LARGE1: variants seen among roughly 807,000 people sequenced by gnomAD.
The protein encoded by LARGE1 is xylosyl- and glucuronyltransferase LARGE1.
A neutral mutation model predicts 87.6 loss-of-function variants in LARGE1; 43 were observed. That is an observed-to-expected ratio of 0.49 (90% confidence interval 0.38 to 0.63). The LOEUF (loss-of-function observed/expected upper bound fraction) is 0.63, where lower values mean the gene tolerates loss of function less well. Among genes scored for constraint, LARGE1 ranks in the 30% least tolerant of loss-of-function variants. The pLI, the probability that LARGE1 is intolerant of heterozygous loss-of-function variation, is 0.00. For missense variants in LARGE1, 802 were observed against 1,000.2 expected (o/e 0.80, Z 2.67); for synonymous variants, 434 against 394.6 (o/e 1.10, Z -1.18).
intron 6 of LARGE1, among the ~76,000 whole-genome samples, chr22:33,561,804 G>A (rs1428550920): frequency 1.3e-5 from 2 of 152,170 alleles, no homozygotes; most frequent in South Asian, 2.1e-4. Flanking sequence ...AGCTGAAGTC[G>A]AGCTCAGGGA....
chr22:33,175,152 C>T (rs137353), intron 11 of LARGE1, among the ~76,000 whole-genome samples: 94,288 of 151,904 alleles, frequency 0.62, 29,550 homozygotes, highest in Middle Eastern at 0.69. Flanking sequence ...GTCGGCTTCA[C>T]CCCTGGGATG....
chr22:33,901,186 A>C (rs561110732), intron 1 of LARGE1, among the ~76,000 whole-genome samples: 3 of 152,256 alleles, frequency 2.0e-5, no homozygotes, highest in African/African-American at 7.2e-5. Flanking sequence ...ATTGCCAGCA[A>C]TCACCAGAAG....
At chr22:33,546,920 G>C (rs1163960000) in intron 6 of LARGE1, among the ~76,000 whole-genome samples, 1 of 152,222 alleles carries the variant, frequency 6.6e-6, no homozygotes, top group African/African-American at 2.4e-5. Context: ...TACTGATTTA[G>C]AGATTGATGA....
chr22:33,642,034 C>T (rs1254904024), intron 3 of LARGE1, among the ~76,000 whole-genome samples: 1 of 152,084 alleles, frequency 6.6e-6, no homozygotes, highest in Non-Finnish European at 1.5e-5. Flanking sequence ...ACAGAGAACA[C>T]CACAAAGATA....
intron 2 of LARGE1, among the ~76,000 whole-genome samples, chr22:33,682,995 G>T (rs1221854651): frequency 1.3e-5 from 2 of 152,196 alleles, no homozygotes; most frequent in Non-Finnish European, 2.9e-5. Flanking sequence ...ATGATAATGG[G>T]TAACATATAC....
rs116734942 is a variant in LARGE1, at chr22:33,277,132, G to A, written c.2001C>T (p.Cys667=). The change falls in exon 14 of 15, where the codon TGC becomes TGT. Residue 667 remains cysteine (C), a synonymous_variant. Transcript: ENST00000397394. ...FEPYVVVRRD[C]PEYDRRFVGF... is the part of the protein sequence containing the mutation. ...CTACAAACCTCCGGTCGTACTCCGGGCAGTCACGTCTCACAACAACATACG... is the reference window on the plus strand; with the variant it reads ...CTACAAACCTCCGGTCGTACTCCGGACAGTCACGTCTCACAACAACATACG... 1.3e-4 allele frequency: 206 copies of A among 1,614,236 alleles called. No homozygotes were observed. The African/African-American group carries it at 2.6e-3, about 21-fold the overall frequency.
At chr22:33,692,651 C>T (rs2082129809) in intron 2 of LARGE1, among the ~76,000 whole-genome samples, 2 of 152,202 alleles carry the variant, frequency 1.3e-5, no homozygotes, top group Admixed American at 6.5e-5. Flanking sequence ...TCTGCTGATG[C>T]TTAAGGTTTT....
chr22:33,081,920 G>C, the LARGE1 span, among the ~76,000 whole-genome samples: 1 of 152,172 alleles, frequency 6.6e-6, no homozygotes, highest in East Asian at 1.9e-4. Flanking sequence ...GGGAGATTCA[G>C]GGAGGCTAAG....
chr22:33,761,720 A>T (rs962127165), intron 1 of LARGE1, among the ~76,000 whole-genome samples, 162 bp from the exon 2 acceptor site: 2 of 151,984 alleles, frequency 1.3e-5, no homozygotes, highest in South Asian at 4.1e-4. Flanking sequence ...CGCAGTCTTC[A>T]AAACTGAGAC....
At chr22:33,569,715 C>A (rs887365358) in intron 5 of LARGE1, among the ~76,000 whole-genome samples, 2 of 152,114 alleles carry the variant, frequency 1.3e-5, no homozygotes, top group Non-Finnish European at 2.9e-5. Flanking sequence ...GCCACCCCCA[C>A]CCCCACAGCC....
intron 2 of LARGE1, among the ~76,000 whole-genome samples, chr22:33,743,705 G>A (rs775734484): frequency 6.6e-6 from 1 of 152,184 alleles, no homozygotes; most frequent in Admixed American, 6.5e-5. Context: ...AACTCTTTGA[G>A]GTAGTCAGGG....
intron 6 of LARGE1, among the ~76,000 whole-genome samples, chr22:33,478,909 G>A (rs2069192018): frequency 1.3e-5 from 2 of 152,150 alleles, no homozygotes; most frequent in African/African-American, 4.8e-5. Flanking sequence ...TTGGGTACCG[G>A]GGGACTTAGA....
intron 1 of LARGE1, among the ~76,000 whole-genome samples, chr22:33,840,106 C>T (rs1023324717): frequency 1.3e-5 from 2 of 152,126 alleles, no homozygotes; most frequent in Non-Finnish European, 1.5e-5. Context: ...AAAATGAATA[C>T]GCAGGAAATG....
intron 1 of LARGE1, among the ~76,000 whole-genome samples, chr22:33,773,117 C>T (rs549094983): frequency 6.6e-6 from 1 of 152,250 alleles, no homozygotes; most frequent in South Asian, 2.1e-4. Context: ...CTTCTCCCTG[C>T]TCCATGGGAA....
intron 7 of LARGE1, among the ~76,000 whole-genome samples, chr22:33,407,467 C>T (rs1205099873): frequency 6.6e-6 from 1 of 152,136 alleles, no homozygotes; most frequent in Non-Finnish European, 1.5e-5. Context: ...GTAGGATTAG[C>T]CTCAGGTAAT....
intron 9 of LARGE1, among the ~76,000 whole-genome samples, chr22:33,374,320 T>C (rs2064923675): frequency 6.6e-6 from 1 of 152,228 alleles, no homozygotes; most frequent in Non-Finnish European, 1.5e-5. Context: ...AGTTGTTTCT[T>C]ACCTTTTTAA....
At chr22:33,120,171 T>G in the LARGE1 span, among the ~76,000 whole-genome samples, 1 of 152,114 alleles carries the variant, frequency 6.6e-6, no homozygotes, top group South Asian at 2.1e-4. Context: ...CTCTCTTAAG[T>G]CTATATATAT....
intron 6 of LARGE1, among the ~76,000 whole-genome samples, chr22:33,482,821 A>G (rs546297170): frequency 7.2e-5 from 11 of 152,158 alleles, no homozygotes; most frequent in Non-Finnish European, 2.9e-5. Context: ...TCTTGTCCCT[A>G]TTGAGGTGTT....
chr22:33,208,597 A>G (rs1047802272), intron 11 of LARGE1, among the ~76,000 whole-genome samples: 1 of 151,898 alleles, frequency 6.6e-6, no homozygotes, highest in Admixed American at 6.6e-5. Context: ...TTATACTTTA[A>G]GTTCTGGGGT....
Sources: gnomAD v4.1 joint callset for allele counts (sites outside exome capture counted in the v4.1 genomes callset) on GRCh38, gnomAD v4.1.1 for gene constraint, MANE v1.5 for transcripts, NCBI Gene and HGNC (gene_info 2026-07-23, HGNC 2026-07-21) for gene names.